AAK1: variants seen among roughly 807,000 people sequenced by gnomAD.
AAK1 encodes AP2 associated kinase 1, also known as AP2-associated protein kinase 1.
In AAK1, 37 loss-of-function variants were observed where a neutral mutation model predicts 116.0. The ratio of observed to expected loss-of-function variants is 0.32; its 90% CI spans 0.25 to 0.42. The LOEUF is 0.42. Among genes scored for constraint, AAK1 ranks in the 10% least tolerant of loss-of-function variants. AAK1 has a pLI of 1.00. For missense variants in AAK1, 919 were observed against 1,170.6 expected, an observed-to-expected ratio of 0.79 and a Z score of 3.14; for synonymous variants, 458 against 439.9, an observed-to-expected ratio of 1.04 and a Z score of -0.51.
intron 2 of AAK1, among the ~76,000 whole-genome samples, chr2:69,611,978 G>A (rs760170418): frequency 1.6e-4 from 24 of 152,184 alleles, no homozygotes; most frequent in Non-Finnish European, 2.5e-4. Flanking sequence ...TAGAATGGTG[G>A]CTGCCAGGGG....
At chr2:69,489,024 T>G (rs2104913937) in intron 17 of AAK1, among the ~76,000 whole-genome samples, 1 of 151,530 alleles carries the variant, frequency 6.6e-6, no homozygotes, top group Admixed American at 6.6e-5. Context: ...TTTTTTTTTT[T>G]TTGAAAAAAT....
intron 18 of AAK1, chr2:69,482,354 AAC>A: frequency 1.9e-6 from 1 of 518,826 alleles, no homozygotes; most frequent in Non-Finnish European, 3.4e-6. Context: ...CTCTGTCTCA[AAC>A]AAAAAAAAAA....
chr2:69,576,406 T>C (rs777117882), intron 2 of AAK1, among the ~76,000 whole-genome samples: 1 of 152,066 alleles, frequency 6.6e-6, no homozygotes, highest in Non-Finnish European at 1.5e-5. Flanking sequence ...TAAACTCGTG[T>C]CACGGGGGTT....
At chr2:69,504,272 C>A (rs1056502252) in intron 16 of AAK1, among the ~76,000 whole-genome samples, 1 of 151,462 alleles carries the variant, frequency 6.6e-6, no homozygotes, top group Non-Finnish European at 1.5e-5. Context: ...TGGCATACAC[C>A]GGTAGTCCTA....
intron 2 of AAK1, among the ~76,000 whole-genome samples, chr2:69,593,671 T>G (rs1414176605): frequency 6.6e-6 from 1 of 152,212 alleles, no homozygotes; most frequent in Non-Finnish European, 1.5e-5. Flanking sequence ...ATAATTAATG[T>G]GAATTAGTTG....
intron 14 of AAK1, among the ~76,000 whole-genome samples, chr2:69,507,886 T>C (rs954691405): frequency 5.9e-5 from 9 of 152,134 alleles, no homozygotes; most frequent in African/African-American, 2.2e-4. Flanking sequence ...TTTGTATTTT[T>C]AGTAGAGACA....
chr2:69,587,387 ACACG>A lies in AAK1; in HGVS notation c.164-30413_164-30410del, dbSNP rs531088107. On this transcript the variant is annotated intron_variant, in intron 2 of 21. Transcript: ENST00000409085. Reference sequence around the variant, plus strand: ...TGCGTGTACACACACATATATACACACACGTGTGTACATATATACACATGTGTAT... The same window carrying A: ...TGCGTGTACACACACATATATACACATGTGTACATATATACACATGTGTAT... Among the ~76,000 whole-genome samples, 816 of 149,744 alleles carry A rather than the reference ACACG, an allele frequency of 5.4e-3. 10 individuals are homozygous for A. The highest frequency in any genetic ancestry group is 0.019 in the African/African-American group (768 of 40,618).
intron 19 of AAK1, among the ~76,000 whole-genome samples, chr2:69,479,916 C>T (rs1406855790): frequency 3.3e-5 from 5 of 152,024 alleles, no homozygotes; most frequent in Admixed American, 6.5e-5. Context: ...CTACCACAAC[C>T]GGCTAATTTT....
chr2:69,500,553 T>C (rs1227706984), intron 16 of AAK1, among the ~76,000 whole-genome samples: 2 of 151,534 alleles, frequency 1.3e-5, no homozygotes, highest in Non-Finnish European at 2.9e-5. Flanking sequence ...GCAAGAAAAG[T>C]GCTTACCCAG....
At chr2:69,522,862 C>A (rs954252566) in intron 10 of AAK1, among the ~76,000 whole-genome samples, 10 of 151,878 alleles carry the variant, frequency 6.6e-5, no homozygotes, top group Non-Finnish European at 1.3e-4. Flanking sequence ...GAGCAGGCTT[C>A]TGTAGAAACC....
rs1675854900 is a variant in AAK1 at position 69,643,569 on chromosome 2, A to G, written c.-235+6T>C. 1 of 1,227,722 alleles carries G rather than the reference A, an allele frequency of 8.1e-7. No homozygotes were observed. Among genetic ancestry groups the G allele is most frequent in the Non-Finnish European group, 1.0e-6 (1 of 985,884 alleles). The allele number at this position is 1,227,722 out of a possible 1,614,324, so 76.1% of individuals were successfully genotyped here. A position where few individuals can be genotyped will look rare whatever the true frequency, so the allele number is the denominator to read the frequency against. On this transcript the variant is annotated splice_donor_region_variant and intron_variant, in intron 1 of 21. Transcript: ENST00000409085. ...CCCCTCGAGGCGGCATCCTGGCAGC[A>G]CCCACTTGAGACGGCTCGGCGGCCG... is the stretch of plus-strand genomic sequence containing the variant.
At position 69,471,659 on chromosome 2, in the gene AAK1, G is replaced by A; in HGVS notation, c.*4210C>T. 1.0e-6 allele frequency: 1 copy of A among 985,360 alleles called. No homozygotes were observed. Among genetic ancestry groups the A allele is most frequent in the African/African-American group, 1.7e-5 (1 of 57,350 alleles). 61.0% of individuals were successfully genotyped at this position (985,360 alleles called of 1,614,324 possible). A position where few individuals can be genotyped will look rare whatever the true frequency, so the allele number is the denominator to read the frequency against. On this transcript the variant is annotated 3_prime_UTR_variant, in exon 22 of 22. Coordinates refer to ENST00000409085, the MANE Select transcript of AAK1 (RefSeq NM_014911.5). Reference sequence around the variant, plus strand: ...GCAGACAGAGAAGGTTAAGGACTCTGGGAAATCACAGAAAAACCTTATCAA... The same window carrying A: ...GCAGACAGAGAAGGTTAAGGACTCTAGGAAATCACAGAAAAACCTTATCAA...
intron 2 of AAK1, among the ~76,000 whole-genome samples, chr2:69,621,984 G>A (rs1674654416): frequency 6.6e-6 from 1 of 152,262 alleles, no homozygotes; most frequent in Admixed American, 6.5e-5. Context: ...CTCTGGCCGT[G>A]CTTGAGGAGC....
Position 69,479,003 on chromosome 2 carries a change from A to G in AAK1, c.2628T>C (p.Thr876=). Residue 876 remains threonine (T), a synonymous_variant, in exon 20 of 22, where the codon ACT becomes ACC. Transcript: ENST00000409085. ...TGGGGGCAAACTCTTCCAGAAGGTC[A>G]GTAGTAGGGTTAGAGAGCAGAGAGC... ...LDCSLLSNPT[T]DLLEEFAPTA... 1 of 1,613,956 alleles carries G rather than the reference A, an allele frequency of 6.2e-7. No individual in the cohort carries two copies. The highest frequency in any genetic ancestry group is 8.5e-7 in the Non-Finnish European group (1 of 1,179,836).
At chr2:69,575,743 C>T (rs1006464391) in intron 2 of AAK1, among the ~76,000 whole-genome samples, 6 of 152,154 alleles carry the variant, frequency 3.9e-5, no homozygotes, top group Non-Finnish European at 8.8e-5. Context: ...GCTAGGATTA[C>T]AGGCGTGAGA....
At chr2:69,509,208 A>G in intron 14 of AAK1, 23 bp downstream of exon 14, 1 of 1,609,940 alleles carries the variant, frequency 6.2e-7, no homozygotes, top group Non-Finnish European at 8.5e-7. Flanking sequence ...AGGTAAGAAC[A>G]ACAAAGAGGA....
Position 69,622,359 on chromosome 2 carries a change from C to T in AAK1, c.163+20519G>A, listed in dbSNP as rs1179472978. 5.3e-5 allele frequency among the ~76,000 whole-genome samples: 8 copies of T among 152,102 alleles called. No individual in the cohort carries two copies. In the South Asian group the frequency reaches 6.2e-4, roughly 12 times the overall value. ...GGCTCCTGCGCAGCCGGAGCCTCCC[C>T]GACGAGCGCCACCCCCTGCTCCACA... On this transcript the variant is annotated intron_variant, in intron 2 of 21. Coordinates refer to ENST00000409085, the MANE Select transcript of AAK1 (RefSeq NM_014911.5).
At chr2:69,583,305 C>T (rs1295293088) in intron 2 of AAK1, among the ~76,000 whole-genome samples, 3 of 152,142 alleles carry the variant, frequency 2.0e-5, no homozygotes, top group Admixed American at 2.0e-4. Flanking sequence ...GACAACATTG[C>T]TTTCACACTG....
chr2:69,631,780 G>C (rs925694331), intron 2 of AAK1, among the ~76,000 whole-genome samples: 1 of 152,124 alleles, frequency 6.6e-6, no homozygotes, highest in African/African-American at 2.4e-5. Flanking sequence ...AGGGGTTCAA[G>C]ACCAGCCTGG....
Sources: gnomAD v4.1 joint callset for allele counts (sites outside exome capture counted in the v4.1 genomes callset) on GRCh38, gnomAD v4.1.1 for gene constraint, MANE v1.5 for transcripts, NCBI Gene and HGNC (gene_info 2026-07-23, HGNC 2026-07-21) for gene names.